STK40: variants seen among roughly 807,000 people sequenced by gnomAD.
STK40 encodes serine/threonine kinase 40, also known as serine/threonine-protein kinase 40.
Under a neutral mutation model 47.9 loss-of-function variants are expected in STK40, and 13 were observed. The observed-to-expected ratio is 0.27, with a 90% confidence interval of 0.18 to 0.43. The LOEUF (loss-of-function observed/expected upper bound fraction) is 0.43. Among genes scored for constraint, STK40 ranks in the 20% least tolerant of loss-of-function variants. STK40 has a pLI of 1.00. For missense variants in STK40, 460 were observed against 595.1 expected (o/e 0.77, Z 2.36); for synonymous variants, 225 against 243.2 (o/e 0.93, Z 0.69).
chr1:36,378,064 C>CT (rs1268834997), intron 1 of STK40, among the ~76,000 whole-genome samples: 2 of 152,236 alleles, frequency 1.3e-5, no homozygotes, highest in African/African-American at 4.8e-5. Flanking sequence ...TGATCTGAGC[C>CT]TAGGCCCTTA....
At chr1:36,356,631 T>C (rs1038143873) in intron 4 of STK40, among the ~76,000 whole-genome samples, 2 of 152,026 alleles carry the variant, frequency 1.3e-5, no homozygotes, top group Non-Finnish European at 2.9e-5. Flanking sequence ...TTCACCGTGT[T>C]AGCCAGTATG....
intron 10 of STK40, chr1:36,342,784 C>T (rs1040753181): frequency 2.3e-5 from 5 of 213,512 alleles, no homozygotes; most frequent in Non-Finnish European, 4.7e-5. Flanking sequence ...CCTACCTGCA[C>T]ACTGCTCACT....
intron 7 of STK40, among the ~76,000 whole-genome samples, chr1:36,348,344 C>T (rs917679174): frequency 6.6e-6 from 1 of 152,230 alleles, no homozygotes; most frequent in Non-Finnish European, 1.5e-5. Flanking sequence ...GCCTCTGGGA[C>T]CCTCAGCCTC....
Position 36,341,832 on chromosome 1 carries a change from GCACCGGT to G in STK40, c.1224_1230del (p.Pro409AspfsTer10). The G allele has an allele frequency of 1.2e-6, 2 of 1,613,594 alleles. No homozygotes were observed. Among genetic ancestry groups the G allele is most frequent in the Non-Finnish European group, 1.7e-6 (2 of 1,179,960 alleles). On this transcript the variant is annotated frameshift_variant, in exon 11 of 11. Coordinates refer to ENST00000373132, the MANE Select transcript of STK40 (RefSeq NM_001282547.2). LOFTEE classifies it high-confidence loss of function. ...GGCTGTGCGTCGTGGCCCAGCCGTC[GCACCGGT>G]GGTGCGCTGCCGAACTGCCGCTTGG...
chr1:36,385,179 T>A (rs1290766272), intron 1 of STK40, among the ~76,000 whole-genome samples: 1 of 152,086 alleles, frequency 6.6e-6, no homozygotes, highest in Admixed American at 6.5e-5. Context: ...AAGCTCTCCT[T>A]GGAAAAGGCC....
intron 4 of STK40, among the ~76,000 whole-genome samples, chr1:36,356,715 T>G (rs1001246000): frequency 8.5e-5 from 13 of 152,080 alleles, no homozygotes; most frequent in African/African-American, 1.9e-4. Flanking sequence ...ATAAGCTACC[T>G]CGCCCGGCCT....
rs1476531128 is a variant in STK40 at position 36,341,846 on chromosome 1, C to T, written c.1217G>A (p.Ser406Asn). The T allele has an allele frequency of 6.2e-7, 1 of 1,613,752 alleles. No homozygotes were observed. The highest frequency in any genetic ancestry group is 1.1e-5 in the South Asian group (1 of 91,066). ...GCCCAGCCGTCGCACCGGTGGTGCGCTGCCGAACTGCCGCTTGGGTACCCA... is the reference window on the plus strand; with the variant it reads ...GCCCAGCCGTCGCACCGGTGGTGCGTTGCCGAACTGCCGCTTGGGTACCCA... ...RSWVPKRQFG[S>N]APPVRRLGHD... is the part of the protein sequence containing the mutation. The change falls in exon 11 of 11, where the codon AGC becomes AAC. Residue 406 changes from serine to asparagine, a missense_variant. Coordinates refer to ENST00000373132, the MANE Select transcript of STK40 (RefSeq NM_001282547.2).
intron 7 of STK40, among the ~76,000 whole-genome samples, chr1:36,344,501 G>A (rs1013116791): frequency 1.3e-5 from 2 of 152,200 alleles, no homozygotes; most frequent in African/African-American, 2.4e-5. Context: ...CGGCCAGATG[G>A]CGAGCCCCTG....
intron 1 of STK40, among the ~76,000 whole-genome samples, chr1:36,362,150 C>T (rs1182941416): frequency 3.3e-5 from 5 of 152,156 alleles, no homozygotes; most frequent in Non-Finnish European, 7.3e-5. Flanking sequence ...GAAAGGCGGA[C>T]ATTGGGGCCA....
intron 6 of STK40, 111 bp from the exon 7 acceptor site, chr1:36,348,926 G>C (rs1329815452): frequency 3.3e-6 from 3 of 919,148 alleles, no homozygotes; most frequent in Admixed American, 2.0e-5. Context: ...ACAGTAGGAG[G>C]TAGGCTTCTC....
intron 1 of STK40, chr1:36,362,487 T>C (rs1035914091): frequency 6.6e-6 from 1 of 152,222 alleles, no homozygotes; most frequent in African/African-American, 2.4e-5. Context: ...CCAGGTAGTT[T>C]GTGTTGCTGA....
At chr1:36,347,325 CG>C (rs1646711957) in intron 7 of STK40, among the ~76,000 whole-genome samples, 1 of 152,112 alleles carries the variant, frequency 6.6e-6, no homozygotes, top group African/African-American at 2.4e-5. Context: ...GTGTAAGCCC[CG>C]GTTCCCTAAA....
In STK40 at chr1:36,358,804, G is replaced by A. The variant is rs1245068047; in HGVS notation, c.131C>T (p.Ser44Leu). The A allele has an allele frequency of 6.2e-7, 1 of 1,614,048 alleles. No individual in the cohort carries two copies. The highest frequency in any genetic ancestry group is 2.2e-5 in the East Asian group (1 of 44,894). Residue 44 changes from serine (S) to leucine (L), a missense_variant, in exon 3 of 11, where the codon TCA (serine) becomes TTA (leucine). Physicochemically the swap from Ser to Leu is moderately radical, Grantham distance 145 (BLOSUM62 -2). Coordinates refer to ENST00000373132, the MANE Select transcript of STK40 (RefSeq NM_001282547.2). ...PFILGPRLGNSPVPSIVQCLA... is the reference protein window; with the variant it reads ...PFILGPRLGNLPVPSIVQCLA... ...ACACTGCACTATGCTTGGCACCGGT[G>A]AGTTGCCCAGACGGGGACCTACGGC...
intron 1 of STK40, among the ~76,000 whole-genome samples, chr1:36,385,460 A>T (rs1344814993): frequency 1.3e-5 from 2 of 152,180 alleles, no homozygotes; most frequent in Non-Finnish European, 2.9e-5. Flanking sequence ...ACTCTAGGCA[A>T]AGCTGGCAGT....
intron 1 of STK40, among the ~76,000 whole-genome samples, chr1:36,381,496 T>C (rs1647038859): frequency 6.6e-6 from 1 of 152,158 alleles, no homozygotes; most frequent in Non-Finnish European, 1.5e-5. Flanking sequence ...AAGTTCTTTT[T>C]TTGAGACAGG....
At chr1:36,361,192 C>T (rs1646849322) in intron 2 of STK40, 29 bp downstream of exon 2, 1 of 1,613,292 alleles carries the variant, frequency 6.2e-7, no homozygotes, top group Non-Finnish European at 8.5e-7. Flanking sequence ...TCCCAGCCCA[C>T]CCATTTTTCC....
rs748961216 is a variant in STK40 at position 36,358,362 on chromosome 1, C to T, written c.219G>A (p.Arg73=). 4.5e-5 allele frequency: 73 copies of T among 1,604,458 alleles called. No homozygotes were observed. The highest frequency in any genetic ancestry group is 6.1e-5 in the Non-Finnish European group (71 of 1,172,026). ...CCTGGCTCTCTATGCCTTGGTCCCC[C>T]CTCTCCTCCAGGGTCAGGATCTTTA... ...YQLKILTLEE[R]GDQGIESQEE... Residue 73 remains arginine, a synonymous_variant, in exon 4 of 11, where the codon AGG becomes AGA. Transcript: ENST00000373132.
intron 7 of STK40, among the ~76,000 whole-genome samples, chr1:36,345,989 A>ATTTTTTTTT (rs1330462605): frequency 3.8e-3 from 74 of 19,562 alleles, no homozygotes; most frequent in South Asian, 5.0e-3. Context: ...ATATATATAT[A>ATTTTTTTTT]TATTTTTTTT....
intron 1 of STK40, among the ~76,000 whole-genome samples, chr1:36,373,337 T>C (rs188219879): frequency 6.6e-6 from 1 of 152,216 alleles, no homozygotes; most frequent in Non-Finnish European, 1.5e-5. Context: ...CACCCACCGC[T>C]TGCCAGAAAC....
Sources: allele counts gnomAD v4.1 joint callset (sites outside exome capture counted in the v4.1 genomes callset), GRCh38; gene constraint gnomAD v4.1.1; transcripts MANE v1.5; gene names NCBI Gene and HGNC (gene_info 2026-07-23, HGNC 2026-07-21).